PARN: variants seen among roughly 807,000 people sequenced by gnomAD.
PARN encodes poly(A)-specific ribonuclease.
In PARN, 71 loss-of-function variants were observed where a neutral mutation model predicts 102.8. The observed-to-expected ratio is 0.69, with a 90% CI of 0.57 to 0.84. The LOEUF (loss-of-function observed/expected upper bound fraction) is 0.84. Among genes scored for constraint, PARN ranks in the 40% least tolerant of loss-of-function variants. PARN has a pLI of 0.00. For synonymous variants in PARN, 261 were observed against 252.9 expected, an observed-to-expected ratio of 1.03 and a Z score of -0.30; for missense variants, 782 against 760.9, an observed-to-expected ratio of 1.03 and a Z score of -0.33.
chr16:14,510,617 C>G (rs992210545), intron 21 of PARN, among the ~76,000 whole-genome samples: 6 of 152,138 alleles, frequency 3.9e-5, no homozygotes, highest in Admixed American at 1.3e-4. Context: ...AATAAGGAAA[C>G]CCAAACTTTT....
intron 21 of PARN, among the ~76,000 whole-genome samples, chr16:14,487,191 A>T (rs577462216): frequency 6.6e-6 from 1 of 152,370 alleles, no homozygotes; most frequent in South Asian, 2.1e-4. Flanking sequence ...ACACAAATAA[A>T]GAGACTGAGC....
chr16:14,518,851 TAAAAG>T (rs1365766751), intron 21 of PARN, among the ~76,000 whole-genome samples: 1 of 151,896 alleles, frequency 6.6e-6, no homozygotes, highest in Non-Finnish European at 1.5e-5. Context: ...GAAATGAAAA[TAAAAG>T]AAAACAAATG....
chr16:14,460,550 GA>G (rs749982109), intron 22 of PARN, among the ~76,000 whole-genome samples: 15 of 152,094 alleles, frequency 9.9e-5, no homozygotes, highest in Non-Finnish European at 1.8e-4. Flanking sequence ...CACTCACCTT[GA>G]AATCAAAGAA....
At chr16:14,538,979 C>G (rs1966736695) in intron 21 of PARN, among the ~76,000 whole-genome samples, 1 of 152,132 alleles carries the variant, frequency 6.6e-6, no homozygotes, top group Non-Finnish European at 1.5e-5. Flanking sequence ...TCCCATCACC[C>G]CCAGATGGGA....
intron 21 of PARN, among the ~76,000 whole-genome samples, chr16:14,532,994 C>G (rs1228628628): frequency 6.6e-6 from 1 of 152,176 alleles, no homozygotes; most frequent in Non-Finnish European, 1.5e-5. Context: ...CCTCACTTCC[C>G]AGAAGGGGTG....
intron 5 of PARN, among the ~76,000 whole-genome samples, chr16:14,623,687 A>C (rs1463084778): frequency 2.6e-5 from 4 of 151,756 alleles, no homozygotes; most frequent in African/African-American, 4.8e-5. Flanking sequence ...AAATACAAAA[A>C]TTAGCAGGGC....
At chr16:14,549,039 T>A (rs2151701088) in intron 21 of PARN, among the ~76,000 whole-genome samples, 1 of 151,878 alleles carries the variant, frequency 6.6e-6, no homozygotes, top group East Asian at 1.9e-4. Flanking sequence ...GAGAAACTGA[T>A]GTTGAAGCTG....
intron 21 of PARN, among the ~76,000 whole-genome samples, chr16:14,544,097 C>A (rs1233505919): frequency 6.6e-6 from 1 of 152,104 alleles, no homozygotes; most frequent in Non-Finnish European, 1.5e-5. Flanking sequence ...GAGGCAGAGG[C>A]AGGAGAATCG....
At chr16:14,600,198 G>T (rs1970792324) in intron 11 of PARN, among the ~76,000 whole-genome samples, 1 of 152,078 alleles carries the variant, frequency 6.6e-6, no homozygotes. Context: ...GTTACTAAAA[G>T]AACAATGCTT....
At chr16:14,590,725 G>A (rs1224015402) in intron 13 of PARN, among the ~76,000 whole-genome samples, 29 of 151,864 alleles carry the variant, frequency 1.9e-4, no homozygotes, top group Admixed American at 1.1e-3. Flanking sequence ...CCTAAAAGGT[G>A]TTAAAAGGTG....
At chr16:14,539,731 A>G (rs929847535) in intron 21 of PARN, among the ~76,000 whole-genome samples, 3 of 152,256 alleles carry the variant, frequency 2.0e-5, no homozygotes, top group Non-Finnish European at 4.4e-5. Context: ...TAGCAGACTG[A>G]GGTATTTTAT....
intron 22 of PARN, among the ~76,000 whole-genome samples, chr16:14,460,602 CATT>C (rs1961912420): frequency 6.6e-6 from 1 of 152,122 alleles, no homozygotes; most frequent in South Asian, 2.1e-4. Context: ...TTCGTCAAAA[CATT>C]ATTAAGTCTC....
At chr16:14,531,499 T>C (rs183963199) in intron 21 of PARN, among the ~76,000 whole-genome samples, 3 of 152,346 alleles carry the variant, frequency 2.0e-5, no homozygotes, top group African/African-American at 7.2e-5. Flanking sequence ...GGCCCATTTA[T>C]TACCCTATGT....
At chr16:14,445,774 T>A (rs1023292373) in intron 23 of PARN, among the ~76,000 whole-genome samples, 2 of 152,180 alleles carry the variant, frequency 1.3e-5, no homozygotes, top group Non-Finnish European at 2.9e-5. Context: ...ATGTTGGCCA[T>A]GCTGGTCTTG....
At chr16:14,501,296 ATAAT>A (rs1567326512) in intron 21 of PARN, among the ~76,000 whole-genome samples, 2 of 100,158 alleles carry the variant, frequency 2.0e-5, no homozygotes, top group African/African-American at 3.0e-5. Context: ...CAAAAAAACA[ATAAT>A]AATAATAATA....
chr16:14,575,352 C>G (rs954561562), intron 18 of PARN, among the ~76,000 whole-genome samples: 1 of 152,210 alleles, frequency 6.6e-6, no homozygotes, highest in South Asian at 2.1e-4. Context: ...GAGGTTGTAA[C>G]CCTGCAAAGC....
At chr16:14,546,468 C>T (rs1966950350) in intron 21 of PARN, among the ~76,000 whole-genome samples, 1 of 152,118 alleles carries the variant, frequency 6.6e-6, no homozygotes, top group Non-Finnish European at 1.5e-5. Flanking sequence ...CTTTTTATGA[C>T]CCAAAATAAC....
chr16:14,460,244 C>T (rs1961890566), intron 22 of PARN, among the ~76,000 whole-genome samples: 1 of 152,128 alleles, frequency 6.6e-6, no homozygotes, highest in Non-Finnish European at 1.5e-5. Context: ...TTAGTTCATT[C>T]TTAAAAAATA....
chr16:14,553,674 C>T (rs1457820362), intron 20 of PARN, among the ~76,000 whole-genome samples: 1 of 152,202 alleles, frequency 6.6e-6, no homozygotes, highest in Non-Finnish European at 1.5e-5. Context: ...AAATCCTGAT[C>T]TACCCAAACA....
Sources: gnomAD v4.1 joint callset for allele counts (sites outside exome capture counted in the v4.1 genomes callset) on GRCh38, gnomAD v4.1.1 for gene constraint, MANE v1.5 for transcripts, NCBI Gene and HGNC (gene_info 2026-07-23, HGNC 2026-07-21) for gene names.